Variants in CADM2 observed in about 807,000 individuals in gnomAD.
The protein encoded by CADM2 is immunoglobulin superfamily member 4D.
Under a neutral mutation model 49.8 loss-of-function variants are expected in CADM2, and 12 were observed. That is an observed-to-expected ratio of 0.24 (90% CI 0.15 to 0.39). The LOEUF (loss-of-function observed/expected upper bound fraction) is 0.39, where lower values mean the gene tolerates loss of function less well. Ranked by LOEUF, CADM2 falls within the 10% of genes least tolerant of loss-of-function variation. The probability of loss-of-function intolerance (pLI) is 1.00; values close to 1 mark genes in which losing one functional copy is unlikely to be tolerated. For synonymous variants in CADM2, 214 were observed against 175.4 expected (o/e 1.22, Z -1.74); for missense variants, 378 against 492.3 (o/e 0.77, Z 2.20).
At chr3:86,066,332 C>CAAAAAAA (rs10663610) in intron 9 of CADM2, among the ~76,000 whole-genome samples, 659 of 30,296 alleles carry the variant, frequency 0.022, 147 homozygotes, top group African/African-American at 0.092. Context: ...GACTCCGTCT[C>CAAAAAAA]AAAAAAAAAA....
At position 84,959,328 on chromosome 3, in the gene CADM2, T is replaced by C. The variant is rs533756630; in HGVS notation, c.-280T>C. Reference sequence around the variant, plus strand: ...TGTGCGCGCCGAGAGGAAGGCAAGCTCCAAACCCCTGCCTGGAAGACGGGC... The same window carrying C: ...TGTGCGCGCCGAGAGGAAGGCAAGCCCCAAACCCCTGCCTGGAAGACGGGC... On this transcript the variant is annotated 5_prime_UTR_variant, in exon 1 of 10. Coordinates refer to ENST00000383699, the MANE Select transcript of CADM2 (RefSeq NM_001167675.2). 6.5e-5 allele frequency: 36 copies of C among 550,208 alleles called. 1 individual carries two copies. In the East Asian group the frequency reaches 1.2e-3, roughly 18 times the overall value. 34.1% of individuals were successfully genotyped at this position (550,208 alleles called of 1,614,324 possible).
intron 1 of CADM2, among the ~76,000 whole-genome samples, chr3:85,055,694 A>T (rs2036053567): frequency 6.6e-6 from 1 of 152,084 alleles, no homozygotes; most frequent in East Asian, 1.9e-4. Flanking sequence ...GATTTTTGAA[A>T]TAATTTTAAT....
intron 1 of CADM2, among the ~76,000 whole-genome samples, chr3:85,128,436 G>C (rs2039110822): frequency 1.3e-5 from 2 of 152,124 alleles, no homozygotes; most frequent in Admixed American, 1.3e-4. Flanking sequence ...ATTCTTTGAT[G>C]TGAACTTAAT....
chr3:86,065,596 C>T lies in CADM2; in HGVS notation c.971-9C>T. The T allele has an allele frequency of 6.2e-7, 1 of 1,607,968 alleles. No individual in the cohort carries two copies. The highest frequency in any genetic ancestry group is 8.5e-7 in the Non-Finnish European group (1 of 1,178,020). ...ATTAAATAGAACAATATTTTCCTGT[C>T]TTTTCCAGATCCTAATGCTTTGGCT... On this transcript the variant is annotated splice_polypyrimidine_tract_variant and intron_variant, in intron 8 of 9. Coordinates refer to ENST00000383699, the MANE Select transcript of CADM2 (RefSeq NM_001167675.2).
At chr3:86,040,026 A>T (rs1361967886) in intron 8 of CADM2, among the ~76,000 whole-genome samples, 1 of 152,212 alleles carries the variant, frequency 6.6e-6, no homozygotes, top group African/African-American at 2.4e-5. Flanking sequence ...GAGGGTCCTG[A>T]CTGTTAGAAG....
At chr3:85,415,256 G>A (rs894785876) in intron 1 of CADM2, among the ~76,000 whole-genome samples, 5 of 151,930 alleles carry the variant, frequency 3.3e-5, no homozygotes, top group African/African-American at 9.7e-5. Context: ...CTCAAATTTC[G>A]TGGACTTAAG....
intron 1 of CADM2, among the ~76,000 whole-genome samples, chr3:85,290,140 G>T (rs1212054874): frequency 6.6e-6 from 1 of 152,138 alleles, no homozygotes; most frequent in Non-Finnish European, 1.5e-5. Flanking sequence ...AAGCGCAAGG[G>T]GTCAGGGAGT....
intron 1 of CADM2, among the ~76,000 whole-genome samples, chr3:85,667,239 T>A (rs566860994): frequency 1.3e-5 from 2 of 152,130 alleles, no homozygotes; most frequent in South Asian, 4.2e-4. Context: ...AATTTTAAAC[T>A]CTTCGGTAGC....
chr3:85,685,772 G>A (rs2066192208), intron 1 of CADM2, among the ~76,000 whole-genome samples: 2 of 151,606 alleles, frequency 1.3e-5, no homozygotes, highest in South Asian at 2.1e-4. Flanking sequence ...TACAGGGCAC[G>A]TGCCACCACG....
At chr3:85,424,380 A>AAG (rs2036305909) in intron 1 of CADM2, among the ~76,000 whole-genome samples, 1 of 151,750 alleles carries the variant, frequency 6.6e-6, no homozygotes, top group African/African-American at 2.4e-5. Context: ...CTTAATTACA[A>AAG]AGAAATATAA....
intron 3 of CADM2, among the ~76,000 whole-genome samples, chr3:85,808,496 G>GA (rs916788630): frequency 2.0e-4 from 30 of 152,036 alleles, no homozygotes; most frequent in African/African-American, 6.7e-4. Context: ...GGTGCAGAAG[G>GA]AAAAAAACAA....
At chr3:85,371,970 T>G (rs2107321602) in intron 1 of CADM2, among the ~76,000 whole-genome samples, 1 of 151,850 alleles carries the variant, frequency 6.6e-6, no homozygotes, top group South Asian at 2.1e-4. Context: ...TTTGTTCAAC[T>G]AAGTTTTTTG....
rs553301572 is a variant in CADM2, at chr3:85,236,408, A to T, written c.61+276740A>T. Among the ~76,000 whole-genome samples the T allele has an allele frequency of 3.9e-5, 6 of 152,132 alleles. No individual in the cohort carries two copies. The East Asian group carries it at 1.2e-3, about 29-fold the overall frequency. On this transcript the variant is annotated intron_variant, in intron 1 of 9. Transcript: ENST00000383699. The stretch of plus-strand genomic sequence containing the variant: ...AAAATGAGAGTAATAATTGAGATAA[A>T]CCTTCTTTGCTAGAGAGTTAATTTG...
chr3:85,659,716 G>A (rs1259773904), intron 1 of CADM2, among the ~76,000 whole-genome samples: 1 of 152,084 alleles, frequency 6.6e-6, no homozygotes, highest in African/African-American at 2.4e-5. Context: ...AGGCCTTAAT[G>A]CACATATGTG....
intron 2 of CADM2, among the ~76,000 whole-genome samples, chr3:85,759,697 G>A (rs933172521): frequency 6.6e-6 from 1 of 152,062 alleles, no homozygotes; most frequent in African/African-American, 2.4e-5. Context: ...AGAGATTCTG[G>A]AAATATAGTC....
chr3:85,373,923 C>A (rs1387182453), intron 1 of CADM2, among the ~76,000 whole-genome samples: 1 of 152,140 alleles, frequency 6.6e-6, no homozygotes, highest in African/African-American at 2.4e-5. Flanking sequence ...TCCTCCTAGG[C>A]CTCCTAAGCC....
At chr3:85,717,832 A>G (rs1180371035) in intron 1 of CADM2, among the ~76,000 whole-genome samples, 3 of 152,164 alleles carry the variant, frequency 2.0e-5, no homozygotes, top group Non-Finnish European at 4.4e-5. Flanking sequence ...CAATGGCACT[A>G]TCGTGGCTCA....
chr3:85,325,688 C>CAAA (rs35096319), intron 1 of CADM2, among the ~76,000 whole-genome samples: 17 of 92,676 alleles, frequency 1.8e-4, no homozygotes, highest in South Asian at 7.9e-4. Flanking sequence ...AAGACTCCAT[C>CAAA]AAAAAAAAAA....
chr3:85,137,654 A>G (rs2039456660), intron 1 of CADM2, among the ~76,000 whole-genome samples: 1 of 152,030 alleles, frequency 6.6e-6, no homozygotes, highest in South Asian at 2.1e-4. Flanking sequence ...GCACTTTAAA[A>G]TGAGTTAGAT....
Sources: gnomAD v4.1 joint callset for allele counts (sites outside exome capture counted in the v4.1 genomes callset) on GRCh38, gnomAD v4.1.1 for gene constraint, MANE v1.5 for transcripts, NCBI Gene and HGNC (gene_info 2026-07-23, HGNC 2026-07-21) for gene names.